Variants in EZH1 observed in about 807,000 individuals in gnomAD.
The protein encoded by EZH1 is enhancer of zeste 1 polycomb repressive complex 2 subunit, also known as histone-lysine N-methyltransferase EZH1.
Under a neutral mutation model 100.5 loss-of-function variants are expected in EZH1, and 33 were observed. That is an observed-to-expected ratio of 0.33 (90% CI 0.25 to 0.44). EZH1 has a LOEUF of 0.44. EZH1 is among the 20% of genes least tolerant of loss of function. EZH1 has a pLI of 1.00. For synonymous variants in EZH1, 272 were observed against 313.8 expected (o/e 0.87, Z 1.41); for missense variants, 475 against 928.4 (o/e 0.51, Z 6.35).
intron 4 of EZH1, among the ~76,000 whole-genome samples, chr17:42,725,363 G>A (rs1452243180): frequency 6.6e-6 from 1 of 151,390 alleles, no homozygotes; most frequent in African/African-American, 2.4e-5. Flanking sequence ...CTGCCTCCCA[G>A]GCTAAAGCCA....
intron 1 of EZH1, among the ~76,000 whole-genome samples, chr17:42,742,587 G>A (rs144766629): frequency 2.1e-3 from 316 of 152,184 alleles, no homozygotes; most frequent in African/African-American, 7.0e-3. Context: ...ACTAGCATCC[G>A]GATCACCTGA....
At chr17:42,715,102 GTATT>G (rs1375631406) in intron 10 of EZH1, among the ~76,000 whole-genome samples, 1 of 134,430 alleles carries the variant, frequency 7.4e-6, no homozygotes, top group African/African-American at 2.8e-5. Flanking sequence ...TAGATTATAT[GTATT>G]TATATATTAT....
chr17:42,703,243 T>C (rs148215732), intron 19 of EZH1: 4,033 of 366,750 alleles, frequency 0.011, 39 homozygotes, highest in Non-Finnish European at 0.015. Flanking sequence ...GGCATGATCT[T>C]GGCTCATTGC....
chr17:42,743,315 C>T (rs370266479), intron 1 of EZH1, among the ~76,000 whole-genome samples: 81 of 151,762 alleles, frequency 5.3e-4, no homozygotes, highest in Admixed American at 4.1e-3. Context: ...GGACTACAGG[C>T]GTGTGCCACC....
intron 1 of EZH1, among the ~76,000 whole-genome samples, chr17:42,744,159 G>A (rs943636690): frequency 6.6e-6 from 1 of 152,054 alleles, no homozygotes; most frequent in South Asian, 2.1e-4. Flanking sequence ...TCCACGGGGG[G>A]CACTAACATC....
At chr17:42,727,558 C>G in intron 4 of EZH1, 77 bp downstream of exon 4, 4 of 1,524,658 alleles carry the variant, frequency 2.6e-6, no homozygotes, top group Non-Finnish European at 3.5e-6. Flanking sequence ...TATTCACTTT[C>G]TAAAAAGTCA....
intron 12 of EZH1, 88 bp downstream of exon 12, chr17:42,712,201 G>T: frequency 7.1e-7 from 1 of 1,399,204 alleles, no homozygotes; most frequent in Non-Finnish European, 9.8e-7. Flanking sequence ...TCCAGACCCA[G>T]ACACACAGCC....
chr17:42,744,368 A>C (rs1047511632), intron 1 of EZH1, among the ~76,000 whole-genome samples: 2 of 152,098 alleles, frequency 1.3e-5, no homozygotes, highest in Non-Finnish European at 2.9e-5. Flanking sequence ...GTGAGACCAA[A>C]AGTCTGGAGT....
intron 10 of EZH1, among the ~76,000 whole-genome samples, chr17:42,714,923 T>C (rs538000031): frequency 2.2e-5 from 3 of 138,206 alleles, no homozygotes; most frequent in South Asian, 2.2e-4. Context: ...AATTATATAA[T>C]TTATATAAAT....
chr17:42,702,597 C>T lies in EZH1; in HGVS notation c.2184-5G>A, dbSNP rs535021999. 5 of 1,566,208 alleles carry T rather than the reference C, an allele frequency of 3.2e-6. No individual in the cohort carries two copies. The highest frequency in any genetic ancestry group is 3.5e-6 in the Non-Finnish European group (4 of 1,153,436). On this transcript the variant is annotated splice_polypyrimidine_tract_variant and splice_region_variant and intron_variant, in intron 20 of 20. Transcript: ENST00000428826. ...AGAGCATCAGCTTGGCTGTACCTGT[C>T]CCAGAGCAGGGAAGAGGAACCAGGT...
chr17:42,733,120 C>CT (rs1240492803), intron 1 of EZH1, among the ~76,000 whole-genome samples: 3 of 151,642 alleles, frequency 2.0e-5, no homozygotes, highest in Non-Finnish European at 4.4e-5. Context: ...GGCAGATCAC[C>CT]TGAGGGTGGG....
At chr17:42,732,544 AGAT>A (rs980221881) in intron 1 of EZH1, among the ~76,000 whole-genome samples, 22 of 152,072 alleles carry the variant, frequency 1.4e-4, no homozygotes, top group Admixed American at 1.0e-3. Flanking sequence ...CGAGGCGGGC[AGAT>A]GATGAGGTCA....
At chr17:42,717,736 G>T (rs2053633077) in intron 10 of EZH1, among the ~76,000 whole-genome samples, 1 of 152,178 alleles carries the variant, frequency 6.6e-6, no homozygotes, top group Non-Finnish European at 1.5e-5. Context: ...CTAAGCAGAT[G>T]ATATTTAGAG....
At position 42,718,010 on chromosome 17, in the gene EZH1, G is replaced by A; in HGVS notation, c.989C>T (p.Pro330Leu). The A allele has an allele frequency of 6.2e-7, 1 of 1,614,136 alleles. No individual in the cohort carries two copies. Among genetic ancestry groups the A allele is most frequent in the Non-Finnish European group, 8.5e-7 (1 of 1,180,016 alleles). Residue 330 changes from proline (P) to leucine (L), a missense_variant, in exon 10 of 21, where the codon CCA becomes CTA. Transcript: ENST00000428826. This position sits in a 1 kb window ranked among gnomAD's most constrained non-coding sequence, Gnocchi z 4.2. ...GAAGCAGTCTGTGCCACATGGTTCT[G>A]GTTCAATCTTGATTTCTTTATTCTT... is the stretch of plus-strand genomic sequence containing the variant. ...KRKNKEIKIE[P>L]EPCGTDCFLL... is the part of the protein sequence containing the mutation.
intron 1 of EZH1, among the ~76,000 whole-genome samples, chr17:42,743,977 T>C (rs1368255307): frequency 1.3e-5 from 2 of 152,168 alleles, no homozygotes; most frequent in Admixed American, 6.6e-5. Context: ...AGCGGCAGTA[T>C]GGCAGCAAAC....
At chr17:42,730,251 G>A (rs1212470644) in intron 2 of EZH1, among the ~76,000 whole-genome samples, 4 of 152,128 alleles carry the variant, frequency 2.6e-5, no homozygotes, top group Non-Finnish European at 5.9e-5. Context: ...AGTAAGAGAA[G>A]TGGTCAGCAA....
intron 20 of EZH1, 53 bp from the exon 21 acceptor site, chr17:42,702,645 GA>G: frequency 1.3e-6 from 2 of 1,520,642 alleles, no homozygotes; most frequent in Non-Finnish European, 9.0e-7. Context: ...TTTTGTGATT[GA>G]AAAGGCGGAG....
At chr17:42,714,865 A>T (rs913472576) in intron 10 of EZH1, among the ~76,000 whole-genome samples, 19 of 142,156 alleles carry the variant, frequency 1.3e-4, no homozygotes, top group African/African-American at 4.4e-4. Flanking sequence ...TTTACATATA[A>T]TTTTTATATA....
intron 1 of EZH1, among the ~76,000 whole-genome samples, chr17:42,733,695 A>C (rs952997332): frequency 6.6e-6 from 1 of 150,608 alleles, no homozygotes; most frequent in Non-Finnish European, 1.5e-5. Flanking sequence ...TAATCTCAGC[A>C]CTTTGGAAGG....
Sources: gnomAD v4.1 joint callset for allele counts (sites outside exome capture counted in the v4.1 genomes callset) on GRCh38, gnomAD v4.1.1 for gene constraint, Gnocchi (gnomAD v3.1) non-coding constraint, MANE v1.5 for transcripts, NCBI Gene and HGNC (gene_info 2026-07-23, HGNC 2026-07-21) for gene names.